Variants in TMEM232 observed in about 807,000 individuals in gnomAD.
TMEM232 encodes transmembrane protein 232.
TMEM232 carries 80 observed loss-of-function variants against 78.8 expected under a neutral mutation model. That is an observed-to-expected ratio of 1.01 (90% CI 0.85 to 1.22). The LOEUF is 1.22. Among genes scored for constraint, TMEM232 ranks in the 50% most tolerant of loss-of-function variants. The pLI is 0.00. For synonymous variants in TMEM232, 297 were observed against 254.3 expected, an observed-to-expected ratio of 1.17 and a Z score of -1.60; for missense variants, 881 against 742.2, an observed-to-expected ratio of 1.19 and a Z score of -2.17.
chr5:110,503,552 A>T (rs1477679537), intron 12 of TMEM232, among the ~76,000 whole-genome samples: 1 of 152,170 alleles, frequency 6.6e-6, no homozygotes, highest in East Asian at 1.9e-4. Flanking sequence ...AGACCAACGT[A>T]AAATGTTTAT....
chr5:110,735,459 A>C (rs1799060570), intron 1 of TMEM232, among the ~76,000 whole-genome samples: 1 of 152,212 alleles, frequency 6.6e-6, no homozygotes, highest in Non-Finnish European at 1.5e-5. Flanking sequence ...TATTCTGTTA[A>C]TATTTGGGCT....
intron 10 of TMEM232, among the ~76,000 whole-genome samples, chr5:110,588,315 C>A (rs2149758849): frequency 6.6e-6 from 1 of 152,108 alleles, no homozygotes; most frequent in African/African-American, 2.4e-5. Context: ...CATTTTGAGA[C>A]AACACTGAAT....
chr5:110,612,768 GA>G (rs1429656813), intron 8 of TMEM232, among the ~76,000 whole-genome samples: 1 of 152,090 alleles, frequency 6.6e-6, no homozygotes, highest in Non-Finnish European at 1.5e-5. Flanking sequence ...CATACTGCTC[GA>G]ATGAAATGCC....
chr5:110,452,355 A>G (rs866853725), intron 12 of TMEM232, among the ~76,000 whole-genome samples: 1 of 152,144 alleles, frequency 6.6e-6, no homozygotes, highest in Non-Finnish European at 1.5e-5. Context: ...CTCAATTTTG[A>G]TCAGAAAAAC....
At chr5:110,609,079 G>C (rs1181865309) in intron 8 of TMEM232, among the ~76,000 whole-genome samples, 2 of 151,888 alleles carry the variant, frequency 1.3e-5, no homozygotes, top group African/African-American at 4.8e-5. Flanking sequence ...AGTTTTCCTA[G>C]GTTCTTCTTA....
At chr5:110,638,109 T>C in intron 5 of TMEM232, 89 bp downstream of exon 5, 2 of 988,462 alleles carry the variant, frequency 2.0e-6, no homozygotes, top group Non-Finnish European at 1.4e-6. Context: ...TAAAACTAAA[T>C]GTTCTGTTTT....
rs371968678 is a variant in TMEM232, at chr5:110,398,792, T to C, written n.309-938A>G. Among the ~76,000 whole-genome samples, 71 of 152,252 alleles carry C rather than the reference T, an allele frequency of 4.7e-4. 1 individual carries two copies. The South Asian group carries it at 0.014, about 31-fold the overall frequency. On this transcript the variant is annotated intron_variant and non_coding_transcript_variant, in intron 2 of 8. Transcript: ENST00000507188. The stretch of plus-strand genomic sequence containing the variant: ...TCCATAGAATTTCTCCAGTAAACAT[T>C]AGCTGTAATTACTAGTGGTGTTGTT...
chr5:110,460,491 A>C (rs1761398406), intron 12 of TMEM232, among the ~76,000 whole-genome samples: 1 of 152,162 alleles, frequency 6.6e-6, no homozygotes, highest in African/African-American at 2.4e-5. Context: ...AAGATGCTAA[A>C]CATTTATTCA....
At chr5:110,393,532 TTGAC>T (rs1282147404) in intron 3 of TMEM232, among the ~76,000 whole-genome samples, 1 of 152,242 alleles carries the variant, frequency 6.6e-6, no homozygotes, top group African/African-American at 2.4e-5. Context: ...ATAATTAAAA[TTGAC>T]TAACTATAGA....
intron 12 of TMEM232, among the ~76,000 whole-genome samples, chr5:110,467,005 T>G (rs1027240538): frequency 6.6e-6 from 1 of 151,868 alleles, no homozygotes; most frequent in Non-Finnish European, 1.5e-5. Flanking sequence ...CTAAGGTTGA[T>G]AGAAAAAGGG....
At chr5:110,629,230 T>C (rs1784811542) in intron 5 of TMEM232, among the ~76,000 whole-genome samples, 1 of 151,974 alleles carries the variant, frequency 6.6e-6, no homozygotes, top group African/African-American at 2.4e-5. Context: ...GGACTAGAGA[T>C]AAATACTGAA....
intron 10 of TMEM232, among the ~76,000 whole-genome samples, chr5:110,584,376 C>T (rs941005883): frequency 8.6e-5 from 13 of 152,028 alleles, no homozygotes; most frequent in South Asian, 6.2e-4. Flanking sequence ...GAAAACATTA[C>T]GCTAAGTGAA....
intron 13 of TMEM232, among the ~76,000 whole-genome samples, chr5:110,424,601 G>T (rs779366168): frequency 6.6e-6 from 1 of 152,070 alleles, no homozygotes; most frequent in Non-Finnish European, 1.5e-5. Context: ...ACAGGATTAG[G>T]TTAGTATTTT....
At chr5:110,416,423 C>T (rs1285450604), downstream of TMEM232, among the ~76,000 whole-genome samples, 1 of 152,118 alleles carries the variant, frequency 6.6e-6, no homozygotes, top group Admixed American at 6.5e-5. Context: ...TATTTTACTT[C>T]AGCAAATTGA....
chr5:110,503,605 A>G (rs1259998492), intron 12 of TMEM232, among the ~76,000 whole-genome samples: 1 of 152,126 alleles, frequency 6.6e-6, no homozygotes, highest in Non-Finnish European at 1.5e-5. Flanking sequence ...GATTGATTCC[A>G]CTTTTCATCC....
At chr5:110,727,252 A>G (rs1798247699), upstream of TMEM232, among the ~76,000 whole-genome samples, 1 of 152,204 alleles carries the variant, frequency 6.6e-6, no homozygotes, top group Non-Finnish European at 1.5e-5. Flanking sequence ...GCAACTGTAT[A>G]TATTTTACAA....
chr5:110,396,630 T>C (rs1229735796), intron 3 of TMEM232, among the ~76,000 whole-genome samples: 3 of 152,144 alleles, frequency 2.0e-5, no homozygotes, highest in Non-Finnish European at 4.4e-5. Flanking sequence ...AAATCAGTGA[T>C]ATGTGATAAA....
Position 110,420,643 on chromosome 5 carries a change from T to A in TMEM232, c.1911A>T (p.Arg637Ser). 2 of 1,525,828 alleles carry A rather than the reference T, an allele frequency of 1.3e-6. No individual in the cohort carries two copies. The highest frequency in any genetic ancestry group is 1.7e-6 in the Non-Finnish European group (2 of 1,143,876). The allele number at this position is 1,525,828 out of a possible 1,614,324, so 94.5% of individuals were successfully genotyped here. A position where few individuals can be genotyped will look rare whatever the true frequency, so the allele number is the denominator to read the frequency against. Residue 637 changes from arginine (R) to serine (S), a missense_variant, in exon 14 of 14, where the codon AGA becomes AGT. Physicochemically the swap from Arg to Ser is moderately radical, Grantham distance 110. Transcript: ENST00000455884. ...TGGTTTGCTTATGTAGTTTCTCTTC[T>A]CTTTTCTTCATAACTTCTTGAAAGT... Reference protein sequence around the residue: ...KNHFQEVMKKREEKLHKQTKP... With the variant: ...KNHFQEVMKKSEEKLHKQTKP...
At chr5:110,451,406 G>C (rs1327439141) in intron 12 of TMEM232, among the ~76,000 whole-genome samples, 1 of 152,104 alleles carries the variant, frequency 6.6e-6, no homozygotes, top group African/African-American at 2.4e-5. Context: ...TATTTCAACA[G>C]CTCTAAAACT....
Sources: gnomAD v4.1 joint callset for allele counts (sites outside exome capture counted in the v4.1 genomes callset) on GRCh38, gnomAD v4.1.1 for gene constraint, MANE v1.5 for transcripts, NCBI Gene and HGNC (gene_info 2026-07-23, HGNC 2026-07-21) for gene names.